The following ANO7 variants were observed in gnomAD, a reference collection of about 807,000 sequenced individuals.
ANO7 encodes anoctamin-7.
Under a neutral mutation model 115.8 loss-of-function variants are expected in ANO7, and 114 were observed. The observed-to-expected ratio is 0.98, with a 90% CI of 0.85 to 1.15. ANO7 has a LOEUF of 1.15. Ranked by LOEUF, ANO7 falls within the 50% of genes most tolerant of loss-of-function variation. The probability of loss-of-function intolerance (pLI) is 0.00; values close to 1 mark genes in which losing one functional copy is unlikely to be tolerated. For synonymous variants in ANO7, 550 were observed against 498.2 expected (o/e 1.10, Z -1.38); for missense variants, 1,302 against 1,201.2 (o/e 1.08, Z -1.24).
intron 13 of ANO7, 45 bp from the exon 14 acceptor site, chr2:241,210,250 C>A: frequency 6.3e-7 from 1 of 1,595,360 alleles, no homozygotes; most frequent in African/African-American, 1.3e-5. Context: ...TGCTGGGGTG[C>A]CCAAGACACC....
At chr2:241,216,981 C>T (rs1003584409) in intron 19 of ANO7, among the ~76,000 whole-genome samples, 1 of 152,140 alleles carries the variant, frequency 6.6e-6, no homozygotes, top group Admixed American at 6.5e-5. Flanking sequence ...TTACAGGCGC[C>T]CACCACCACG....
chr2:241,202,711 C>T lies in ANO7; in HGVS notation c.723+407C>T, dbSNP rs1479515497. Among the ~76,000 whole-genome samples, 3 of 152,206 alleles carry T rather than the reference C, an allele frequency of 2.0e-5. No individual in the cohort carries two copies. In the East Asian group the frequency reaches 5.8e-4, roughly 29 times the overall value. ...CTGCCGCTGCACCTGTTCCTATCAG[C>T]GTTACCATCATCCCTGAGAAAACAG... On this transcript the variant is annotated intron_variant, in intron 8 of 24. Transcript: ENST00000674324.
intron 22 of ANO7, 82 bp from the exon 23 acceptor site, chr2:241,223,580 G>A (rs1367328852): frequency 1.3e-6 from 2 of 1,559,180 alleles, no homozygotes; most frequent in Admixed American, 3.8e-5. Flanking sequence ...CTGGGAGCAG[G>A]TGCCGGAGCC....
rs2068613256 is a variant in ANO7, at chr2:241,207,155, AGTG to A, written c.981-418_981-416del. On this transcript the variant is annotated intron_variant, in intron 10 of 24. Coordinates refer to ENST00000674324, the MANE Select transcript of ANO7 (RefSeq NM_001370694.2). ...GCTCCCAGGCTGACAGGTGGACAGG[AGTG>A]CTCCCAGGCTGACACAGGTGGTCAG... Among the ~76,000 whole-genome samples, 2 of 20,220 alleles carry A rather than the reference AGTG, an allele frequency of 9.9e-5. 1 individual carries two copies. The highest frequency in any genetic ancestry group is 2.7e-3 in the South Asian group (2 of 740). 13.3% of individuals were successfully genotyped at this position (20,220 alleles called of 152,430 possible).
At chr2:241,212,349 C>A in intron 16 of ANO7, 144 bp downstream of exon 16, 2 of 943,120 alleles carry the variant, frequency 2.1e-6, no homozygotes, top group Non-Finnish European at 1.7e-6. Flanking sequence ...GGACAGGGGC[C>A]CATGCCTCCT....
At position 241,200,171 on chromosome 2, in the gene ANO7, C is replaced by T. The variant is rs376651533; in HGVS notation, c.500C>T (p.Pro167Leu). ...GIPNVLLEVV[P>L]DVPPEYYSCR... The stretch of plus-strand genomic sequence containing the variant: ...CCCAACGTCCTGCTGGAGGTTGTGC[C>T]AGACGTACCCCCCGAGTACTACTCC... The change falls in exon 6 of 25, where the codon CCA becomes CTA. Residue 167 changes from proline (P) to leucine (L), a missense_variant. Transcript: ENST00000674324. 1.2e-6 allele frequency: 2 copies of T among 1,613,134 alleles called. No individual in the cohort carries two copies. Among genetic ancestry groups the T allele is most frequent in the East Asian group, 2.2e-5 (1 of 44,876 alleles).
chr2:241,195,790 C>T lies in ANO7; in HGVS notation c.254C>T (p.Thr85Ile). The T allele has an allele frequency of 1.1e-5, 17 of 1,614,248 alleles. No homozygotes were observed. The highest frequency in any genetic ancestry group is 1.4e-5 in the Non-Finnish European group (17 of 1,180,042). The change falls in exon 4 of 25, where the codon ACC becomes ATC. Residue 85 changes from threonine (T) to isoleucine (I), a missense_variant. Thr to Ile is a moderately conservative substitution (Grantham distance 89). Transcript: ENST00000674324. ...AARDRTDMHR[T>I]WRETFLDNLR... is the part of the protein sequence containing the mutation. ...CGGGACAGAACAGACATGCACAGGACCTGGCGGGAGACTTTTCTGGATAAT... is the reference window on the plus strand; with the variant it reads ...CGGGACAGAACAGACATGCACAGGATCTGGCGGGAGACTTTTCTGGATAAT...
At position 241,209,554 on chromosome 2, in the gene ANO7, C is replaced by T; in HGVS notation, c.1278C>T (p.Ile426=). The change falls in exon 13 of 25, where the codon ATC becomes ATT. Residue 426 remains isoleucine (I), a synonymous_variant. Transcript: ENST00000674324. ...ASAPMTAPNP[I]TGEDEPYFPE... is the part of the protein sequence containing the mutation. ...CCCCCATGACAGCCCCGAACCCCAT[C>T]ACGGGTGAGGACGAGCCCTACTTCC... is the stretch of plus-strand genomic sequence containing the variant. 1.9e-6 allele frequency: 3 copies of T among 1,601,186 alleles called. No individual in the cohort carries two copies. The highest frequency in any genetic ancestry group is 2.6e-6 in the Non-Finnish European group (3 of 1,174,780).
chr2:241,210,885 G>A (rs1366617357), intron 15 of ANO7, among the ~76,000 whole-genome samples: 1 of 151,500 alleles, frequency 6.6e-6, no homozygotes. Flanking sequence ...GCTCAGGCTG[G>A]TCTCGAGCTC....
chr2:241,221,358 GAGCC>G (rs2069007960), intron 21 of ANO7, among the ~76,000 whole-genome samples: 1 of 151,342 alleles, frequency 6.6e-6, no homozygotes, highest in Middle Eastern at 3.2e-3. Flanking sequence ...TTACAGGCCT[GAGCC>G]ACCTTTCACG....
chr2:241,209,212 AGGAAGGAACACT>A (rs2068661574), intron 11 of ANO7, 61 bp from the exon 12 acceptor site: 8 of 1,460,246 alleles, frequency 5.5e-6, no homozygotes, highest in Non-Finnish European at 7.3e-6. Context: ...CCATTCCAGG[AGGAAGGAACACT>A]GGAAGGAACA....
At position 241,203,639 on chromosome 2, in the gene ANO7, C is replaced by A; in HGVS notation, c.889+141C>A. ...GGGCGCAGCTCTTGGCTCGACCGGG[C>A]TGCCCTCCTGGCTCCCCTCAAGCCC... On this transcript the variant is annotated intron_variant, in intron 9 of 24. Transcript: ENST00000674324. This position sits in a 1 kb window ranked among gnomAD's most constrained non-coding sequence, Gnocchi z 4.8. 1.7e-6 allele frequency: 1 copy of A among 593,986 alleles called. No individual in the cohort carries two copies. The allele number at this position is 593,986 out of a possible 1,614,324, so 36.8% of individuals were successfully genotyped here. A position where few individuals can be genotyped will look rare whatever the true frequency, so the allele number is the denominator to read the frequency against.
rs146662855 is a variant in ANO7, at chr2:241,210,338, G to A, written c.1403G>A (p.Arg468His). ...VMCLVSIILY[R>H]AIMAIVVSRS... Reference sequence around the variant, plus strand: ...TGCCTCGTGTCTATCATCCTGTACCGTGCCATCATGGCCATCGTGGTGTCC... The same window carrying A: ...TGCCTCGTGTCTATCATCCTGTACCATGCCATCATGGCCATCGTGGTGTCC... The change falls in exon 14 of 25, where the codon CGT becomes CAT. Residue 468 changes from arginine (R) to histidine (H), a missense_variant. Arg to His is a conservative substitution (Grantham distance 29). Coordinates refer to ENST00000674324, the MANE Select transcript of ANO7 (RefSeq NM_001370694.2). 19 of 1,614,022 alleles carry A rather than the reference G, an allele frequency of 1.2e-5. No homozygotes were observed. Among genetic ancestry groups the A allele is most frequent in the African/African-American group, 2.7e-5 (2 of 75,060 alleles).
At chr2:241,229,510 G>A, downstream of ANO7, 1 of 930,340 alleles carries the variant, frequency 1.1e-6, no homozygotes, top group South Asian at 1.5e-5. Context: ...ACAATTTACG[G>A]AGGGTCCAGC....
chr2:241,201,176 C>T, intron 6 of ANO7, 122 bp from the exon 7 acceptor site: 1 of 1,175,200 alleles, frequency 8.5e-7, no homozygotes, highest in Non-Finnish European at 1.2e-6. Flanking sequence ...TGCGTGCGCG[C>T]CAGCACCCGG....
intron 4 of ANO7, chr2:241,196,060 TCA>T: frequency 7.1e-7 from 1 of 1,415,160 alleles, no homozygotes. Flanking sequence ...TCCTGCACAC[TCA>T]GCTCTCTCAT....
At chr2:241,214,768 C>A in intron 17 of ANO7, 37 bp from the exon 18 acceptor site, 1 of 1,573,512 alleles carries the variant, frequency 6.4e-7, no homozygotes, top group Non-Finnish European at 8.7e-7. Context: ...AGTGGCTGGT[C>A]CCCCTCTCCC....
chr2:241,240,234 A>C, the ANO7 span: 1 of 1,032,454 alleles, frequency 9.7e-7, no homozygotes, highest in Admixed American at 1.8e-5. The surrounding 1 kb of genome is among the most constrained non-coding windows in gnomAD (Gnocchi z 5.5). Context: ...CATTGTCACC[A>C]GTGTCCTGAT....
chr2:241,207,760 C>A, intron 11 of ANO7, 90 bp downstream of exon 11: 1 of 1,195,740 alleles, frequency 8.4e-7, no homozygotes, highest in Non-Finnish European at 1.2e-6. Flanking sequence ...CTGCCTGCAC[C>A]AGCCCCTGTC....
Sources: gnomAD v4.1 joint callset for allele counts (sites outside exome capture counted in the v4.1 genomes callset) on GRCh38, gnomAD v4.1.1 for gene constraint, Gnocchi (gnomAD v3.1) non-coding constraint, MANE v1.5 for transcripts, NCBI Gene and HGNC (gene_info 2026-07-23, HGNC 2026-07-21) for gene names.